Variants in SCHIP1 observed in about 807,000 individuals in gnomAD.
SCHIP1 encodes the protein schwannomin interacting protein 1, also known as schwannomin-interacting protein 1.
Under a neutral mutation model 29.7 loss-of-function variants are expected in SCHIP1, and 8 were observed. That is an observed-to-expected ratio of 0.27 (90% confidence interval 0.16 to 0.49). The LOEUF (loss-of-function observed/expected upper bound fraction) is 0.49, where lower values mean the gene tolerates loss of function less well. Ranked by LOEUF, SCHIP1 falls within the 20% of genes least tolerant of loss-of-function variation. The pLI, the probability that SCHIP1 is intolerant of heterozygous loss-of-function variation, is 0.99. For missense variants in SCHIP1, 193 were observed against 294.6 expected (o/e 0.66, Z 2.52); for synonymous variants, 76 against 94.9 (o/e 0.80, Z 1.16).
At chr3:159,819,714 T>A in the SCHIP1 span, among the ~76,000 whole-genome samples, 1 of 152,246 alleles carries the variant, frequency 6.6e-6, no homozygotes, top group Admixed American at 6.5e-5. Context: ...AGTGTAGAGA[T>A]AATAATAGTT....
the SCHIP1 span, among the ~76,000 whole-genome samples, chr3:159,518,731 G>A: frequency 6.6e-6 from 1 of 152,018 alleles, no homozygotes; most frequent in Admixed American, 6.6e-5. Flanking sequence ...GTGGAAGCAG[G>A]TCAGTACTGT....
the SCHIP1 span, among the ~76,000 whole-genome samples, chr3:159,380,304 C>T: frequency 6.6e-6 from 1 of 152,128 alleles, no homozygotes; most frequent in Non-Finnish European, 1.5e-5. Context: ...GTATCACCAC[C>T]ACATCAGGAA....
At chr3:159,284,238 G>A in the SCHIP1 span, among the ~76,000 whole-genome samples, 3 of 151,918 alleles carry the variant, frequency 2.0e-5, no homozygotes. Flanking sequence ...AGATATTCAG[G>A]TTTTCTACAA....
At chr3:159,560,722 CTTT>C in the SCHIP1 span, among the ~76,000 whole-genome samples, 1 of 151,430 alleles carries the variant, frequency 6.6e-6, no homozygotes, top group Non-Finnish European at 1.5e-5. Context: ...ACTTATTACC[CTTT>C]TTGTTTCTCT....
At chr3:159,501,046 T>C in the SCHIP1 span, among the ~76,000 whole-genome samples, 9 of 152,352 alleles carry the variant, frequency 5.9e-5, no homozygotes, top group East Asian at 5.8e-4. Context: ...ATGGTTATTA[T>C]AATAAAAAGT....
At chr3:159,463,738 T>TAA in the SCHIP1 span, among the ~76,000 whole-genome samples, 13 of 107,562 alleles carry the variant, frequency 1.2e-4, no homozygotes, top group African/African-American at 5.7e-4. Flanking sequence ...GAGAACAGAA[T>TAA]GAGATATATA....
chr3:159,757,863 T>C, the SCHIP1 span, among the ~76,000 whole-genome samples: 2 of 152,234 alleles, frequency 1.3e-5, no homozygotes, highest in East Asian at 3.8e-4. Flanking sequence ...TTATAAGGTT[T>C]CCAGAATTAT....
the SCHIP1 span, among the ~76,000 whole-genome samples, chr3:159,576,535 TATTA>T: frequency 6.6e-6 from 1 of 152,240 alleles, no homozygotes; most frequent in Non-Finnish European, 1.5e-5. Flanking sequence ...TCTAGTCATT[TATTA>T]ATTCTGCAAA....
At chr3:159,698,791 G>A in the SCHIP1 span, among the ~76,000 whole-genome samples, 41 of 151,976 alleles carry the variant, frequency 2.7e-4, no homozygotes, top group African/African-American at 8.9e-4. Context: ...GGCTACAGGC[G>A]TGCACCACCA....
chr3:159,519,386 G>A, the SCHIP1 span, among the ~76,000 whole-genome samples: 4 of 151,978 alleles, frequency 2.6e-5, no homozygotes, highest in African/African-American at 9.7e-5. Flanking sequence ...ATTACTTCGA[G>A]GATCTAGTGA....
the SCHIP1 span, among the ~76,000 whole-genome samples, chr3:159,557,423 T>C: frequency 6.6e-6 from 1 of 152,242 alleles, no homozygotes; most frequent in Non-Finnish European, 1.5e-5. Flanking sequence ...CCTTATTTCA[T>C]AATCCATAGA....
chr3:159,827,324 G>A, the SCHIP1 span, among the ~76,000 whole-genome samples: 1 of 152,088 alleles, frequency 6.6e-6, no homozygotes, highest in Non-Finnish European at 1.5e-5. Context: ...TAGCATTTCA[G>A]CACTACCTCT....
the SCHIP1 span, among the ~76,000 whole-genome samples, chr3:159,507,257 G>C: frequency 6.6e-6 from 1 of 151,692 alleles, no homozygotes; most frequent in African/African-American, 2.4e-5. Context: ...CTCATGATTT[G>C]GCATTCTGTT....
At chr3:159,716,124 C>G in the SCHIP1 span, among the ~76,000 whole-genome samples, 1 of 152,162 alleles carries the variant, frequency 6.6e-6, no homozygotes, top group Non-Finnish European at 1.5e-5. Flanking sequence ...GAATTTTCAA[C>G]CCAGAATTTC....
chr3:159,301,927 AG>A, the SCHIP1 span, among the ~76,000 whole-genome samples: 2 of 152,338 alleles, frequency 1.3e-5, no homozygotes, highest in East Asian at 3.9e-4. Context: ...GTGATGGTAA[AG>A]GGCAAAGCAT....
chr3:159,479,588 T>C, the SCHIP1 span, among the ~76,000 whole-genome samples: 1 of 152,162 alleles, frequency 6.6e-6, no homozygotes, highest in African/African-American at 2.4e-5. Context: ...TAGTAGGCAA[T>C]TAATTACTTG....
At chr3:159,656,436 G>A in the SCHIP1 span, among the ~76,000 whole-genome samples, 5 of 152,044 alleles carry the variant, frequency 3.3e-5, no homozygotes, top group Admixed American at 6.6e-5. Context: ...GAGAGTTCTC[G>A]AAGAAAGGCG....
the SCHIP1 span, among the ~76,000 whole-genome samples, chr3:159,553,592 T>C: frequency 9.7e-4 from 148 of 152,300 alleles, no homozygotes; most frequent in African/African-American, 3.4e-3. Context: ...CTCAACGTTA[T>C]GTAATAGTAA....
the SCHIP1 span, among the ~76,000 whole-genome samples, chr3:159,402,697 T>C: frequency 6.7e-3 from 1,017 of 151,658 alleles, 10 homozygotes; most frequent in South Asian, 0.033. Flanking sequence ...AACCAAACAT[T>C]GCATGTTCTC....
Sources: gnomAD v4.1 joint callset for allele counts (sites outside exome capture counted in the v4.1 genomes callset) on GRCh38, gnomAD v4.1.1 for gene constraint, MANE v1.5 for transcripts, NCBI Gene and HGNC (gene_info 2026-07-23, HGNC 2026-07-21) for gene names.